The following DPP6 variants were observed in gnomAD, a reference collection of about 807,000 sequenced individuals.
DPP6 encodes A-type potassium channel modulatory protein DPP6.
In DPP6, 69 loss-of-function variants were observed where a neutral mutation model predicts 122.6. The observed-to-expected ratio is 0.56, with a 90% CI of 0.46 to 0.69. DPP6 has a LOEUF of 0.69. Ranked by LOEUF, DPP6 falls within the 30% of genes least tolerant of loss-of-function variation. The pLI, the probability that DPP6 is intolerant of heterozygous loss-of-function variation, is 0.00. For synonymous variants in DPP6, 418 were observed against 433.1 expected (o/e 0.97, Z 0.43); for missense variants, 928 against 1,116.9 (o/e 0.83, Z 2.41).
intron 1 of DPP6, among the ~76,000 whole-genome samples, chr7:154,391,649 C>G (rs1365957961): frequency 6.6e-6 from 1 of 152,200 alleles, no homozygotes; most frequent in Non-Finnish European, 1.5e-5. Flanking sequence ...CCTGATGAAG[C>G]CCCTGCTTCT....
intron 1 of DPP6, among the ~76,000 whole-genome samples, chr7:154,226,636 C>T (rs1264710385): frequency 6.6e-6 from 1 of 152,180 alleles, no homozygotes; most frequent in Non-Finnish European, 1.5e-5. Flanking sequence ...GATCCTATTA[C>T]CAATTTTTTC....
chr7:154,177,559 G>A (rs747607093), intron 1 of DPP6, among the ~76,000 whole-genome samples: 1 of 152,216 alleles, frequency 6.6e-6, no homozygotes, highest in Non-Finnish European at 1.5e-5. Context: ...CCTGACCTGA[G>A]ACTTGTGCTC....
At chr7:154,140,004 G>T (rs1020955055) in intron 1 of DPP6, among the ~76,000 whole-genome samples, 1 of 152,168 alleles carries the variant, frequency 6.6e-6, no homozygotes, top group African/African-American at 2.4e-5. Flanking sequence ...AAAGCATCAA[G>T]GAGTAGCCCG....
At chr7:153,788,596 GAGTTC>G in the DPP6 span, among the ~76,000 whole-genome samples, 1 of 152,162 alleles carries the variant, frequency 6.6e-6, no homozygotes, top group African/African-American at 2.4e-5. Flanking sequence ...CTAGTCAAAG[GAGTTC>G]ATACTGCCAT....
the DPP6 span, among the ~76,000 whole-genome samples, chr7:153,869,083 A>G: frequency 4.6e-5 from 7 of 152,082 alleles, no homozygotes; most frequent in South Asian, 2.1e-4. Context: ...TATGTGGTCA[A>G]TTTTGGAATA....
At chr7:154,436,040 C>T (rs1313785874) in intron 1 of DPP6, among the ~76,000 whole-genome samples, 3 of 152,088 alleles carry the variant, frequency 2.0e-5, no homozygotes, top group Non-Finnish European at 2.9e-5. Flanking sequence ...CCTGACCTTT[C>T]TCTAGGCACT....
intron 1 of DPP6, among the ~76,000 whole-genome samples, chr7:154,370,530 C>G (rs1203182749): frequency 6.6e-6 from 1 of 152,176 alleles, no homozygotes; most frequent in African/African-American, 2.4e-5. Context: ...AATGATATTA[C>G]AATCTTTTCT....
At chr7:154,464,942 G>A (rs535667987) in intron 2 of DPP6, among the ~76,000 whole-genome samples, 2 of 152,280 alleles carry the variant, frequency 1.3e-5, no homozygotes, top group Middle Eastern at 3.4e-3. Context: ...TATTGCACAT[G>A]TATACCTACG....
At chr7:154,470,327 G>A (rs909862275) in intron 2 of DPP6, among the ~76,000 whole-genome samples, 2 of 152,142 alleles carry the variant, frequency 1.3e-5, no homozygotes, top group Non-Finnish European at 2.9e-5. Flanking sequence ...AAATATCATT[G>A]CACTCGGAAG....
At chr7:154,103,590 G>A (rs1805917479) in intron 1 of DPP6, among the ~76,000 whole-genome samples, 1 of 152,280 alleles carries the variant, frequency 6.6e-6, no homozygotes, top group African/African-American at 2.4e-5. Context: ...TGATTTCTGG[G>A]TGTGTCGGTG....
intron 3 of DPP6, among the ~76,000 whole-genome samples, chr7:154,525,407 C>T (rs1475811468): frequency 6.6e-6 from 1 of 152,328 alleles, no homozygotes; most frequent in East Asian, 1.9e-4. Flanking sequence ...ATTCTCCTAC[C>T]TTGGCCTCCC....
intron 1 of DPP6, among the ~76,000 whole-genome samples, chr7:154,131,105 ATC>A (rs1795258298): frequency 6.6e-6 from 1 of 152,120 alleles, no homozygotes; most frequent in Non-Finnish European, 1.5e-5. Flanking sequence ...GGTGGGTTAG[ATC>A]TCTGCTTTCC....
Position 154,429,203 on chromosome 7 carries a change from G to T in DPP6, c.244-17011G>T, listed in dbSNP as rs572384354. On this transcript the variant is annotated intron_variant, in intron 1 of 25. Transcript: ENST00000377770. ...GTTAAAAAAAAAAAAAGCATAATTT[G>T]TCTTATCCTTGTTTTGATCAAATGA... 4.9e-4 allele frequency among the ~76,000 whole-genome samples: 72 copies of T among 146,976 alleles called. No individual in the cohort carries two copies. In the South Asian group the frequency reaches 0.015, roughly 31 times the overall value.
chr7:153,901,114 TTTC>T (rs543162178), intron 1 of DPP6, among the ~76,000 whole-genome samples: 11 of 152,126 alleles, frequency 7.2e-5, no homozygotes, highest in Non-Finnish European at 8.8e-5. Context: ...CACAAAGGCT[TTTC>T]TTCTTCTTCT....
At chr7:154,205,236 G>A (rs78088165) in intron 1 of DPP6, among the ~76,000 whole-genome samples, 2,529 of 151,918 alleles carry the variant, frequency 0.017, 57 homozygotes, top group African/African-American at 0.058. Flanking sequence ...CCTTTCCCCA[G>A]TTTCCTCCAG....
chr7:154,792,116 T>C (rs899789413), intron 10 of DPP6, among the ~76,000 whole-genome samples: 5 of 152,254 alleles, frequency 3.3e-5, no homozygotes, highest in African/African-American at 1.2e-4. Flanking sequence ...AAATAGTCAT[T>C]CCGGGAGACC....
chr7:153,945,376 C>G (rs931051356), intron 1 of DPP6, among the ~76,000 whole-genome samples: 1 of 152,034 alleles, frequency 6.6e-6, no homozygotes, highest in Non-Finnish European at 1.5e-5. Context: ...AGCTGGGAGT[C>G]CAATCAGAAG....
intron 1 of DPP6, among the ~76,000 whole-genome samples, chr7:153,978,159 T>C (rs1170345141): frequency 2.0e-5 from 3 of 152,202 alleles, no homozygotes; most frequent in Non-Finnish European, 4.4e-5. Context: ...AACTAATTTA[T>C]ACTCCCACCA....
rs1179208262 is a variant in DPP6, at chr7:154,875,935, C to T, written c.1913C>T (p.Ala638Val). The T allele has an allele frequency of 6.2e-7, 1 of 1,613,016 alleles. No homozygotes were observed. The highest frequency in any genetic ancestry group is 8.5e-7 in the Non-Finnish European group (1 of 1,179,550). The change falls in exon 20 of 26, where the codon GCT becomes GTT. Residue 638 changes from alanine to valine, a missense_variant. Physicochemically the swap from Ala to Val is moderately conservative, Grantham distance 64 (BLOSUM62 0). Transcript: ENST00000377770. The surrounding 1 kb of genome is among the most constrained non-coding windows in gnomAD (Gnocchi z 4.5). The stretch of plus-strand genomic sequence containing the variant: ...GGCACCCCAGGCAGCCAGAGTGTGG[C>T]TGAGAAGTTCGAGGTGAGCTGGGAG... ...VDGTPGSQSVAEKFEVSWETV... is the reference protein window; with the variant it reads ...VDGTPGSQSVVEKFEVSWETV...
Sources: gnomAD v4.1 joint callset for allele counts (sites outside exome capture counted in the v4.1 genomes callset) on GRCh38, gnomAD v4.1.1 for gene constraint, Gnocchi (gnomAD v3.1) non-coding constraint, MANE v1.5 for transcripts, NCBI Gene and HGNC (gene_info 2026-07-23, HGNC 2026-07-21) for gene names.